Variants in PHACTR3 observed in about 807,000 individuals in gnomAD.
PHACTR3 encodes phosphatase and actin regulator 3.
PHACTR3 carries 16 observed loss-of-function variants against 66.8 expected under a neutral mutation model. That is an observed-to-expected ratio of 0.24 (90% CI 0.16 to 0.36). The LOEUF (loss-of-function observed/expected upper bound fraction) is 0.36, where lower values mean the gene tolerates loss of function less well. Ranked by LOEUF, PHACTR3 falls within the 10% of genes least tolerant of loss-of-function variation. The pLI is 1.00. For synonymous variants in PHACTR3, 323 were observed against 292.1 expected, an observed-to-expected ratio of 1.11 and a Z score of -1.08; for missense variants, 647 against 719.9, an observed-to-expected ratio of 0.90 and a Z score of 1.16.
intron 11 of PHACTR3, chr20:59,843,328 C>T (rs1008539100): frequency 1.5e-4 from 23 of 152,004 alleles, no homozygotes; most frequent in Non-Finnish European, 2.1e-4. Context: ...TGTCATTTTT[C>T]ACAAAAATAG....
intron 3 of PHACTR3, among the ~76,000 whole-genome samples, chr20:59,753,997 G>C (rs2039692181): frequency 6.6e-6 from 1 of 152,236 alleles, no homozygotes; most frequent in African/African-American, 2.4e-5. Context: ...CCACCTCGTG[G>C]CTGTGTCGAC....
intron 1 of PHACTR3, among the ~76,000 whole-genome samples, chr20:59,720,914 AGGATTTCTGTAGTGGGTGTCAGGCACCGT>A (rs987210561): frequency 6.6e-6 from 1 of 151,940 alleles, no homozygotes; most frequent in African/African-American, 2.4e-5. Flanking sequence ...ATTTTCACCC[AGGATTTCTGTAGTGGGTGTCAGGCACCGT>A]GGATTTCTGT....
chr20:59,723,136 A>G (rs375596982), intron 1 of PHACTR3, among the ~76,000 whole-genome samples: 13 of 130,556 alleles, frequency 1.0e-4, no homozygotes, highest in Non-Finnish European at 1.4e-4. Context: ...TTATTGAACT[A>G]TAATTCACAT....
chr20:59,620,680 C>T (rs183949003), intron 1 of PHACTR3, among the ~76,000 whole-genome samples: 7 of 152,288 alleles, frequency 4.6e-5, no homozygotes, highest in Non-Finnish European at 8.8e-5. Flanking sequence ...CAGCCAGGTG[C>T]CTCTGCTCTA....
At chr20:59,822,854 C>T (rs745998729) in intron 8 of PHACTR3, among the ~76,000 whole-genome samples, 6 of 152,116 alleles carry the variant, frequency 3.9e-5, no homozygotes, top group African/African-American at 7.2e-5. Flanking sequence ...TCCTGGAGAG[C>T]GGCGGGCTGT....
chr20:59,678,877 A>G (rs2036543843), intron 1 of PHACTR3, among the ~76,000 whole-genome samples: 1 of 146,442 alleles, frequency 6.8e-6, no homozygotes, highest in South Asian at 2.2e-4. Flanking sequence ...CATCTTGGGA[A>G]CCTGTATCAG....
At chr20:59,593,544 A>G (rs1269813441) in intron 1 of PHACTR3, among the ~76,000 whole-genome samples, 1 of 152,114 alleles carries the variant, frequency 6.6e-6, no homozygotes, top group Non-Finnish European at 1.5e-5. Flanking sequence ...GGATGATGCC[A>G]TAATATTGCA....
intron 1 of PHACTR3, among the ~76,000 whole-genome samples, chr20:59,672,695 T>C (rs534927515): frequency 6.6e-6 from 1 of 152,340 alleles, no homozygotes; most frequent in South Asian, 2.1e-4. Context: ...TTCTGGGGTC[T>C]CCTGAGACAC....
intron 1 of PHACTR3, among the ~76,000 whole-genome samples, chr20:59,654,304 C>G (rs931503132): frequency 6.6e-6 from 1 of 152,114 alleles, no homozygotes; most frequent in African/African-American, 2.4e-5. Context: ...GATTGAACGT[C>G]TTCTTTATAG....
At chr20:59,727,586 G>A (rs996446658) in intron 1 of PHACTR3, among the ~76,000 whole-genome samples, 2 of 152,044 alleles carry the variant, frequency 1.3e-5, no homozygotes, top group Non-Finnish European at 2.9e-5. Context: ...TTGAGGCCTC[G>A]CTGTGCCACT....
At chr20:59,708,021 A>G (rs575239896) in intron 1 of PHACTR3, among the ~76,000 whole-genome samples, 28 of 152,336 alleles carry the variant, frequency 1.8e-4, no homozygotes, top group African/African-American at 6.7e-4. Context: ...AAAGTCCTGG[A>G]ATGGATTCTC....
chr20:59,633,338 C>G (rs1429634040), intron 1 of PHACTR3, among the ~76,000 whole-genome samples: 1 of 152,174 alleles, frequency 6.6e-6, no homozygotes, highest in Non-Finnish European at 1.5e-5. Flanking sequence ...GGAATGAGAT[C>G]ATGTCCTTTG....
At chr20:59,785,883 T>TGC (rs2040894527) in intron 7 of PHACTR3, among the ~76,000 whole-genome samples, 3 of 11,542 alleles carry the variant, frequency 2.6e-4, no homozygotes, top group African/African-American at 5.0e-4. Context: ...CCTACTTCAT[T>TGC]TTGTTTTCCA....
At chr20:59,847,071 G>T in intron 12 of PHACTR3, 44 bp from the exon 13 acceptor site, 1 of 1,404,246 alleles carries the variant, frequency 7.1e-7, no homozygotes, top group East Asian at 2.3e-5. Flanking sequence ...TTAACTGCTA[G>T]AAATGAATAA....
chr20:59,679,981 T>C (rs2036584435), intron 1 of PHACTR3, among the ~76,000 whole-genome samples: 1 of 152,084 alleles, frequency 6.6e-6, no homozygotes, highest in African/African-American at 2.4e-5. Flanking sequence ...AGTTCTCATT[T>C]CCTTCCATTC....
At chr20:59,777,598 A>C (rs2040582927) in intron 7 of PHACTR3, among the ~76,000 whole-genome samples, 1 of 152,188 alleles carries the variant, frequency 6.6e-6, no homozygotes. Flanking sequence ...CTATGACAAC[A>C]CTGAACCTTC....
At chr20:59,843,208 T>C (rs2059095612) in intron 11 of PHACTR3, among the ~76,000 whole-genome samples, 1 of 151,956 alleles carries the variant, frequency 6.6e-6, no homozygotes, top group Non-Finnish European at 1.5e-5. Flanking sequence ...ATGAAAGAAA[T>C]TGAAGAGGCC....
intron 1 of PHACTR3, among the ~76,000 whole-genome samples, chr20:59,639,002 A>G (rs372075244): frequency 2.1e-4 from 27 of 127,618 alleles, no homozygotes; most frequent in East Asian, 2.0e-3. Context: ...ATACCAGTGG[A>G]TAGGTGGGTG....
chr20:59,770,817 C>A (rs1042764091), intron 5 of PHACTR3, among the ~76,000 whole-genome samples: 2 of 152,184 alleles, frequency 1.3e-5, no homozygotes, highest in African/African-American at 4.8e-5. Context: ...GCGTTTACCC[C>A]TCTCCCTTTT....
Sources: gnomAD v4.1 joint callset for allele counts (sites outside exome capture counted in the v4.1 genomes callset) on GRCh38, gnomAD v4.1.1 for gene constraint, MANE v1.5 for transcripts, NCBI Gene and HGNC (gene_info 2026-07-23, HGNC 2026-07-21) for gene names.